Variants in CHN2 observed in about 807,000 individuals in gnomAD.
The protein encoded by CHN2 is chimerin 2.
In CHN2, 35 loss-of-function variants were observed where a neutral mutation model predicts 56.3. That is an observed-to-expected ratio of 0.62 (90% confidence interval 0.47 to 0.82). The LOEUF (loss-of-function observed/expected upper bound fraction) is 0.82, where lower values mean the gene tolerates loss of function less well. Ranked by LOEUF, CHN2 falls within the 40% of genes least tolerant of loss-of-function variation. The pLI is 0.00. For synonymous variants in CHN2, 210 were observed against 212.8 expected (o/e 0.99, Z 0.12); for missense variants, 491 against 580.5 (o/e 0.85, Z 1.58).
At chr7:29,217,503 T>G (rs1562839329) in intron 1 of CHN2, among the ~76,000 whole-genome samples, 2 of 152,216 alleles carry the variant, frequency 1.3e-5, no homozygotes, top group Non-Finnish European at 2.9e-5. Context: ...GGCACTTTTG[T>G]TAGCTGAAAA....
intron 1 of CHN2, among the ~76,000 whole-genome samples, chr7:29,230,834 A>C (rs1409545993): frequency 1.3e-5 from 2 of 152,082 alleles, no homozygotes; most frequent in South Asian, 2.1e-4. Context: ...AACCTTTTTC[A>C]TTTCCTGTAG....
intron 6 of CHN2, among the ~76,000 whole-genome samples, chr7:29,417,331 C>A (rs1390862713): frequency 5.3e-5 from 7 of 130,862 alleles, no homozygotes; most frequent in African/African-American, 2.0e-4. Context: ...TTTACTGTAA[C>A]CCTTTTTTTT....
chr7:29,382,072 CT>C (rs1451902942), intron 3 of CHN2, among the ~76,000 whole-genome samples: 1 of 152,136 alleles, frequency 6.6e-6, no homozygotes, highest in Non-Finnish European at 1.5e-5. Flanking sequence ...GATCTTACCT[CT>C]TGGGTAATCA....
intron 1 of CHN2, among the ~76,000 whole-genome samples, chr7:29,325,243 A>T (rs1187925882): frequency 6.6e-6 from 1 of 152,190 alleles, no homozygotes; most frequent in East Asian, 1.9e-4. Flanking sequence ...AGACTCTCCC[A>T]GCGGGTTGGC....
At chr7:29,362,460 C>T (rs1490455012) in intron 2 of CHN2, among the ~76,000 whole-genome samples, 1 of 152,180 alleles carries the variant, frequency 6.6e-6, no homozygotes, top group African/African-American at 2.4e-5. Flanking sequence ...TCCCTATTAC[C>T]AATATTTTAA....
At chr7:29,431,153 T>C (rs1326553065) in intron 6 of CHN2, among the ~76,000 whole-genome samples, 1 of 152,148 alleles carries the variant, frequency 6.6e-6, no homozygotes, top group Non-Finnish European at 1.5e-5. Flanking sequence ...TTAAAACGCT[T>C]ACATTTAGGG....
intron 1 of CHN2, among the ~76,000 whole-genome samples, chr7:29,240,757 G>T (rs563558032): frequency 6.6e-6 from 1 of 152,236 alleles, no homozygotes; most frequent in South Asian, 2.1e-4. Context: ...GTGTGGTGTT[G>T]CAGGACTTTT....
intron 1 of CHN2, among the ~76,000 whole-genome samples, chr7:29,214,832 T>TTCC (rs1332198122): frequency 3.3e-5 from 5 of 152,224 alleles, no homozygotes; most frequent in Admixed American, 2.0e-4. Context: ...TTGTTTCTCT[T>TTCC]TCCTCTTTCT....
At chr7:29,275,476 A>G (rs1049887345) in intron 1 of CHN2, among the ~76,000 whole-genome samples, 1 of 152,220 alleles carries the variant, frequency 6.6e-6, no homozygotes, top group African/African-American at 2.4e-5. Flanking sequence ...GATTATCTGC[A>G]CCGTTTTGAA....
chr7:29,297,165 C>A (rs1793228213), intron 1 of CHN2, among the ~76,000 whole-genome samples: 1 of 152,204 alleles, frequency 6.6e-6, no homozygotes, highest in Non-Finnish European at 1.5e-5. Context: ...GAGCAAGACT[C>A]CTGCTAGTCG....
chr7:29,473,729 G>A, intron 6 of CHN2, among the ~76,000 whole-genome samples: 1 of 151,962 alleles, frequency 6.6e-6, no homozygotes, highest in Non-Finnish European at 1.5e-5. Flanking sequence ...TATAAGGCAG[G>A]AGAAGCTGGA....
chr7:29,487,586 G>A (rs1230719870), intron 7 of CHN2, among the ~76,000 whole-genome samples: 1 of 152,076 alleles, frequency 6.6e-6, no homozygotes, highest in Non-Finnish European at 1.5e-5. Flanking sequence ...CAGAACTCAG[G>A]GACGGGTGGA....
Position 29,507,872 on chromosome 7 carries a change from C to T in CHN2, c.1129+507C>T, listed in dbSNP as rs116962429. ...TTAAGGTTTACAAATTTGTGCTGGG[C>T]CATGTTCAAAGCTGTCCTGGGCATG... On this transcript the variant is annotated intron_variant, in intron 11 of 12. Coordinates refer to ENST00000222792, the MANE Select transcript of CHN2 (RefSeq NM_004067.4). Among the ~76,000 whole-genome samples the T allele has an allele frequency of 1.2e-4, 19 of 152,156 alleles. No individual in the cohort carries two copies. In the East Asian group the frequency reaches 3.3e-3, roughly 26 times the overall value.
intron 1 of CHN2, among the ~76,000 whole-genome samples, chr7:29,321,926 A>T (rs945454785): frequency 5.9e-5 from 9 of 152,176 alleles, no homozygotes; most frequent in African/African-American, 2.2e-4. Context: ...TCCTTTGCAG[A>T]TCTTATGGAT....
intron 1 of CHN2, among the ~76,000 whole-genome samples, chr7:29,232,023 G>A (rs759306720): frequency 6.6e-6 from 1 of 152,132 alleles, no homozygotes; most frequent in Non-Finnish European, 1.5e-5. Flanking sequence ...CAGTGTCTTT[G>A]TTTCTGAATC....
chr7:29,406,709 C>T (rs987562440), intron 6 of CHN2, among the ~76,000 whole-genome samples: 1 of 152,162 alleles, frequency 6.6e-6, no homozygotes, highest in Non-Finnish European at 1.5e-5. Context: ...TAGAAATGCA[C>T]GTTCCCAGGA....
At chr7:29,441,700 T>G (rs1461029216) in intron 6 of CHN2, among the ~76,000 whole-genome samples, 4 of 152,130 alleles carry the variant, frequency 2.6e-5, no homozygotes, top group African/African-American at 9.7e-5. Flanking sequence ...TATTAGTCAT[T>G]AGGGAAATGC....
At chr7:29,357,582 A>G (rs976638409) in intron 2 of CHN2, among the ~76,000 whole-genome samples, 1 of 152,234 alleles carries the variant, frequency 6.6e-6, no homozygotes, top group African/African-American at 2.4e-5. Flanking sequence ...CTTCCCTCCA[A>G]TGTACAATCT....
intron 2 of CHN2, among the ~76,000 whole-genome samples, chr7:29,176,792 G>C (rs1480572675): frequency 1.3e-5 from 2 of 152,156 alleles, no homozygotes; most frequent in African/African-American, 4.8e-5. Context: ...TGAAATACTA[G>C]AAGGAAGAGC....
Sources: allele counts gnomAD v4.1 joint callset (sites outside exome capture counted in the v4.1 genomes callset), GRCh38; gene constraint gnomAD v4.1.1; transcripts MANE v1.5; gene names NCBI Gene and HGNC (gene_info 2026-07-23, HGNC 2026-07-21).